The following EXOC6B variants were observed in gnomAD, a reference collection of about 807,000 sequenced individuals.
EXOC6B encodes exocyst complex component 6B, also known as SEC15 homolog B.
EXOC6B carries 54 observed loss-of-function variants against 113.5 expected under a neutral mutation model. The ratio of observed to expected loss-of-function variants is 0.48; its 90% CI spans 0.38 to 0.60. The LOEUF is 0.60. EXOC6B is among the 20% of genes least tolerant of loss of function. The probability of loss-of-function intolerance (pLI) is 0.00; values close to 1 mark genes in which losing one functional copy is unlikely to be tolerated. For synonymous variants in EXOC6B, 357 were observed against 339.0 expected (o/e 1.05, Z -0.58); for missense variants, 797 against 977.5 (o/e 0.82, Z 2.46).
chr2:72,617,197 G>A (rs561904514), intron 6 of EXOC6B, among the ~76,000 whole-genome samples: 7 of 152,332 alleles, frequency 4.6e-5, no homozygotes, highest in Admixed American at 6.5e-5. Flanking sequence ...GGCTTTGCAG[G>A]GTATAGCCCC....
intron 19 of EXOC6B, among the ~76,000 whole-genome samples, chr2:72,349,779 C>A (rs1395008990): frequency 6.6e-6 from 1 of 152,066 alleles, no homozygotes; most frequent in Non-Finnish European, 1.5e-5. Flanking sequence ...GTGAGTTGTT[C>A]TAGCAAATTA....
At chr2:72,374,088 T>A (rs952475718) in intron 19 of EXOC6B, among the ~76,000 whole-genome samples, 79 of 152,168 alleles carry the variant, frequency 5.2e-4, no homozygotes, top group Admixed American at 2.0e-4. Flanking sequence ...AATTTTTTTT[T>A]AAATCCACTA....
At chr2:72,700,406 T>C (rs1302796562) in intron 6 of EXOC6B, among the ~76,000 whole-genome samples, 1 of 152,210 alleles carries the variant, frequency 6.6e-6, no homozygotes. Flanking sequence ...ACAATCTTCT[T>C]ACTAAGCTAA....
intron 6 of EXOC6B, among the ~76,000 whole-genome samples, chr2:72,695,230 C>A (rs1254408994): frequency 6.6e-6 from 1 of 152,168 alleles, no homozygotes; most frequent in Non-Finnish European, 1.5e-5. Flanking sequence ...TGAGAGTACA[C>A]TAGAATTTTA....
intron 17 of EXOC6B, among the ~76,000 whole-genome samples, chr2:72,475,870 T>C (rs1052168853): frequency 2.0e-5 from 3 of 152,172 alleles, no homozygotes; most frequent in African/African-American, 7.2e-5. Flanking sequence ...TCAGCCTCAA[T>C]GGCAGCAGCA....
At chr2:72,621,433 T>C (rs896485258) in intron 6 of EXOC6B, among the ~76,000 whole-genome samples, 2 of 152,014 alleles carry the variant, frequency 1.3e-5, no homozygotes, top group African/African-American at 4.8e-5. Context: ...ATGTTCTAAC[T>C]CATAAGTGGT....
At chr2:72,251,686 G>C (rs759342452) in intron 20 of EXOC6B, among the ~76,000 whole-genome samples, 1 of 152,198 alleles carries the variant, frequency 6.6e-6, no homozygotes, top group Non-Finnish European at 1.5e-5. Flanking sequence ...TTTTCCTACA[G>C]AGAATGTATT....
intron 18 of EXOC6B, among the ~76,000 whole-genome samples, chr2:72,416,631 G>A (rs1311848496): frequency 6.6e-6 from 1 of 152,110 alleles, no homozygotes. Context: ...TTCTCTTTGG[G>A]AAAAGTTTCC....
chr2:72,204,226 A>G (rs1679682907), intron 20 of EXOC6B, among the ~76,000 whole-genome samples: 1 of 152,190 alleles, frequency 6.6e-6, no homozygotes, highest in African/African-American at 2.4e-5. Context: ...CCTGATAATT[A>G]TGAGAAAGTA....
chr2:72,737,297 T>C (rs1488226078), intron 2 of EXOC6B, among the ~76,000 whole-genome samples: 2 of 151,956 alleles, frequency 1.3e-5, no homozygotes, highest in Admixed American at 6.6e-5. Context: ...TGAGCCAAGA[T>C]TGTGCCACTG....
intron 18 of EXOC6B, among the ~76,000 whole-genome samples, chr2:72,453,907 G>A (rs1697054388): frequency 1.3e-5 from 2 of 152,154 alleles, no homozygotes; most frequent in South Asian, 4.1e-4. Flanking sequence ...TGCATGGCTG[G>A]TCAGGCCTCA....
intron 18 of EXOC6B, chr2:72,462,350 T>A (rs189143906): frequency 6.6e-6 from 1 of 152,158 alleles, no homozygotes; most frequent in African/African-American, 2.4e-5. Context: ...TTTTAGTATG[T>A]TCTATTTAGA....
At chr2:72,797,846 AATT>A (rs1315972082) in intron 1 of EXOC6B, among the ~76,000 whole-genome samples, 1 of 151,172 alleles carries the variant, frequency 6.6e-6, no homozygotes, top group Non-Finnish European at 1.5e-5. Flanking sequence ...TAATAATAAT[AATT>A]ATCAGCATAT....
At chr2:72,325,413 TC>T (rs1688070644) in intron 20 of EXOC6B, among the ~76,000 whole-genome samples, 1 of 152,014 alleles carries the variant, frequency 6.6e-6, no homozygotes, top group Admixed American at 6.6e-5. Context: ...AGGATCGATC[TC>T]CCTAACTGTA....
chr2:72,557,475 G>T (rs564837610), intron 8 of EXOC6B, among the ~76,000 whole-genome samples: 1 of 152,196 alleles, frequency 6.6e-6, no homozygotes, highest in East Asian at 1.9e-4. Flanking sequence ...CCATAAAAAA[G>T]AATGAGATCA....
At chr2:72,572,771 A>T (rs1006147552) in intron 7 of EXOC6B, among the ~76,000 whole-genome samples, 4 of 152,228 alleles carry the variant, frequency 2.6e-5, no homozygotes, top group African/African-American at 7.2e-5. Flanking sequence ...GGAAACATCT[A>T]AATAAATAAT....
intron 6 of EXOC6B, among the ~76,000 whole-genome samples, chr2:72,704,435 AAC>A (rs1678686268): frequency 6.8e-6 from 1 of 147,692 alleles, no homozygotes; most frequent in African/African-American, 2.5e-5. Context: ...AGCAAGAGCA[AAC>A]ACATTCAAAA....
At chr2:72,417,971 A>G (rs1694633587) in intron 18 of EXOC6B, among the ~76,000 whole-genome samples, 2 of 152,070 alleles carry the variant, frequency 1.3e-5, no homozygotes, top group South Asian at 4.1e-4. Context: ...CATGCTTAAA[A>G]TTTATTTTAC....
chr2:72,382,194 C>T lies in EXOC6B; in HGVS notation c.1981-2324G>A, dbSNP rs115693161. The stretch of plus-strand genomic sequence containing the variant: ...ACCCACCAGAGACCTAGGACAGGCA[C>T]CTCCAAAGAAAAACAGGGTTCAACA... On this transcript the variant is annotated intron_variant, in intron 18 of 21. Coordinates refer to ENST00000272427, the MANE Select transcript of EXOC6B (RefSeq NM_015189.3). Among the ~76,000 whole-genome samples the T allele has an allele frequency of 4.8e-3, 733 of 152,222 alleles. 4 individuals are homozygous for T. The highest frequency in any genetic ancestry group is 5.3e-3 in the Non-Finnish European group (362 of 68,010).
Sources: gnomAD v4.1 joint callset for allele counts (sites outside exome capture counted in the v4.1 genomes callset) on GRCh38, gnomAD v4.1.1 for gene constraint, MANE v1.5 for transcripts, NCBI Gene and HGNC (gene_info 2026-07-23, HGNC 2026-07-21) for gene names.